NCOR1: variants seen among roughly 807,000 people sequenced by gnomAD.
NCOR1 encodes protein phosphatase 1, regulatory subunit 109.
In NCOR1, 63 loss-of-function variants were observed where a neutral mutation model predicts 288.1. The observed-to-expected ratio is 0.22, with a 90% CI of 0.18 to 0.27. NCOR1 has a LOEUF of 0.27. Ranked by LOEUF, NCOR1 falls within the 10% of genes least tolerant of loss-of-function variation. The pLI, the probability that NCOR1 is intolerant of heterozygous loss-of-function variation, is 1.00. For missense variants in NCOR1, 2,397 were observed against 3,019.2 expected (o/e 0.79, Z 4.83); for synonymous variants, 1,007 against 1,065.9 (o/e 0.94, Z 1.08).
Position 16,029,462 on chromosome 17 carries a change from A to C in NCOR1, c.*2834T>G. ...TTTTTAAAATAGAATCACTCAGTGTACCAAAATTAAAAGCATTATGAAATT... is the reference window on the plus strand; with the variant it reads ...TTTTTAAAATAGAATCACTCAGTGTCCCAAAATTAAAAGCATTATGAAATT... On this transcript the variant is annotated 3_prime_UTR_variant, in exon 46 of 46. Transcript: ENST00000268712. The C allele has an allele frequency of 3.5e-6, 1 of 281,790 alleles. No individual in the cohort carries two copies. The highest frequency in any genetic ancestry group is 7.0e-6 in the Non-Finnish European group (1 of 143,152). 17.5% of individuals were successfully genotyped at this position (281,790 alleles called of 1,614,324 possible).
intron 3 of NCOR1, among the ~76,000 whole-genome samples, chr17:16,178,961 AT>A (rs11306479): frequency 0.58 from 87,353 of 150,840 alleles, 26,044 homozygotes; most frequent in African/African-American, 0.69. Flanking sequence ...AAAAAAAGTT[AT>A]TTTTTTTTTG....
At chr17:16,169,453 A>G (rs2082697688) in intron 4 of NCOR1, among the ~76,000 whole-genome samples, 1 of 152,222 alleles carries the variant, frequency 6.6e-6, no homozygotes, top group Non-Finnish European at 1.5e-5. Context: ...AACATTTAAC[A>G]AAAAATCTAA....
In NCOR1 at chr17:16,039,607, G is replaced by A; in HGVS notation, c.6781C>T (p.Leu2261Phe). The part of the protein sequence containing the change: ...GHSFADPASN[L>F]GLEDIIRKAL... Reference sequence around the variant, plus strand: ...TTCCTGATAATGTCTTCCAGCCCAAGATTACTGGCAGGATCAGCAAAAGAA... The same window carrying A: ...TTCCTGATAATGTCTTCCAGCCCAAAATTACTGGCAGGATCAGCAAAAGAA... Residue 2261 changes from leucine to phenylalanine, a missense_variant, in exon 44 of 46, where the codon CTT (leucine) becomes TTT (phenylalanine). Coordinates refer to ENST00000268712, the MANE Select transcript of NCOR1 (RefSeq NM_006311.4). 6.2e-7 allele frequency: 1 copy of A among 1,614,112 alleles called. No homozygotes were observed. Among genetic ancestry groups the A allele is most frequent in the Non-Finnish European group, 8.5e-7 (1 of 1,180,028 alleles).
intron 38 of NCOR1, 116 bp from the exon 39 acceptor site, chr17:16,058,180 CAAAG>C (rs538078816): frequency 4.0e-5 from 47 of 1,166,404 alleles, no homozygotes; most frequent in Middle Eastern, 5.8e-4. Flanking sequence ...TAGCTCCAAA[CAAAG>C]AACTTATCTT....
At chr17:16,064,471 C>T (rs1018014987) in intron 34 of NCOR1, among the ~76,000 whole-genome samples, 8 of 151,762 alleles carry the variant, frequency 5.3e-5, no homozygotes, top group South Asian at 2.1e-4. Flanking sequence ...GGTGTGGTGG[C>T]GCGCACCTGT....
intron 14 of NCOR1, among the ~76,000 whole-genome samples, chr17:16,127,329 G>A (rs62636954): frequency 7.6e-5 from 4 of 52,578 alleles, no homozygotes; most frequent in African/African-American, 1.9e-4. Flanking sequence ...ATATATGTAT[G>A]TATATATACA....
chr17:16,073,754 C>T (rs1180917453), intron 27 of NCOR1, among the ~76,000 whole-genome samples, 185 bp from the exon 28 acceptor site: 11 of 152,120 alleles, frequency 7.2e-5, no homozygotes, highest in Non-Finnish European at 1.6e-4. Flanking sequence ...TTATTGATGC[C>T]TACTGTGTGC....
Position 16,158,757 on chromosome 17 carries a change from T to C in NCOR1, c.732+3A>G, listed in dbSNP as rs1310588841. On this transcript the variant is annotated splice_donor_region_variant and intron_variant, in intron 6 of 45. Coordinates refer to ENST00000268712, the MANE Select transcript of NCOR1 (RefSeq NM_006311.4). ...TGTGCTGCCAGAGATGGTATGAGCT[T>C]ACCCGATTCTCATCATAAATAATTT... is the stretch of plus-strand genomic sequence containing the variant. 6.2e-7 allele frequency: 1 copy of C among 1,604,966 alleles called. No individual in the cohort carries two copies. Among genetic ancestry groups the C allele is most frequent in the Admixed American group, 1.7e-5 (1 of 59,858 alleles).
At position 16,046,770 on chromosome 17, in the gene NCOR1, G is replaced by A. The variant is rs1312214542; in HGVS notation, c.6679+181C>T. 4.9e-6 allele frequency: 3 copies of A among 607,102 alleles called. No homozygotes were observed. In the East Asian group the frequency reaches 9.9e-5, roughly 20 times the overall value. 37.6% of individuals were successfully genotyped at this position (607,102 alleles called of 1,614,324 possible). ...CAGCTTCAGAAAGGAGCGAACTCCT[G>A]CCTCCTAATTAGAACTCTTCATGGG... On this transcript the variant is annotated intron_variant, in intron 42 of 45. Transcript: ENST00000268712.
chr17:16,115,578 C>T (rs1221443289), intron 18 of NCOR1, among the ~76,000 whole-genome samples: 1 of 152,216 alleles, frequency 6.6e-6, no homozygotes, highest in Non-Finnish European at 1.5e-5. Context: ...CCTAAATTAT[C>T]TCTCTCAAGT....
intron 3 of NCOR1, among the ~76,000 whole-genome samples, chr17:16,176,526 C>G (rs192923564): frequency 1.2e-4 from 19 of 152,326 alleles, no homozygotes; most frequent in Non-Finnish European, 1.3e-4. Context: ...GCCTCAGCCT[C>G]CCAAAGTGCT....
intron 7 of NCOR1, among the ~76,000 whole-genome samples, chr17:16,153,032 T>G (rs2079115995): frequency 6.6e-6 from 1 of 152,150 alleles, no homozygotes; most frequent in Non-Finnish European, 1.5e-5. Context: ...TAGGGAGTAT[T>G]AACCATTGTC....
At chr17:16,083,827 T>G (rs917014841) in intron 23 of NCOR1, among the ~76,000 whole-genome samples, 5 of 152,102 alleles carry the variant, frequency 3.3e-5, no homozygotes, top group Non-Finnish European at 7.4e-5. Flanking sequence ...ATTTCTACAG[T>G]TAAGTTGGTT....
rs2075852814 is a variant in NCOR1 at position 16,132,880 on chromosome 17, C to T, written c.1509+4431G>A. Among the ~76,000 whole-genome samples the T allele has an allele frequency of 2.7e-5, 4 of 148,492 alleles. No homozygotes were observed. The Admixed American group carries it at 2.7e-4, about 10-fold the overall frequency. ...GTCCAGTCTGGCTTTTCTTGCTTTC[C>T]TTCCTTCCTTTCCCTCCTTCCTTCC... On this transcript the variant is annotated intron_variant, in intron 14 of 45. Transcript: ENST00000268712.
intron 2 of NCOR1, among the ~76,000 whole-genome samples, chr17:16,187,054 G>A (rs956941106): frequency 6.6e-6 from 1 of 152,122 alleles, no homozygotes; most frequent in African/African-American, 2.4e-5. Flanking sequence ...GAAGGGTAAT[G>A]GAAGTCTAAT....
intron 34 of NCOR1, among the ~76,000 whole-genome samples, chr17:16,064,614 C>CAAA (rs142023994): frequency 7.0e-6 from 1 of 142,684 alleles, no homozygotes; most frequent in African/African-American, 2.6e-5. Flanking sequence ...AAAACAAAAA[C>CAAA]AAAAAAAAAA....
intron 2 of NCOR1, among the ~76,000 whole-genome samples, chr17:16,189,213 G>A (rs2153537118): frequency 6.6e-6 from 1 of 152,212 alleles, no homozygotes; most frequent in East Asian, 1.9e-4. Flanking sequence ...GGCCAACTTG[G>A]CGAAACCCCG....
chr17:16,089,739 G>A (rs1386194260), intron 22 of NCOR1, among the ~76,000 whole-genome samples: 1 of 151,976 alleles, frequency 6.6e-6, no homozygotes, highest in Non-Finnish European at 1.5e-5. Context: ...AACCATTTTT[G>A]TCAAACATTC....
intron 14 of NCOR1, among the ~76,000 whole-genome samples, chr17:16,135,793 T>A (rs1305493980): frequency 1.3e-5 from 2 of 152,216 alleles, no homozygotes; most frequent in African/African-American, 2.4e-5. Flanking sequence ...ATAAAAAGGT[T>A]ATAGCTGTGA....
Sources: allele counts gnomAD v4.1 joint callset (sites outside exome capture counted in the v4.1 genomes callset), GRCh38; gene constraint gnomAD v4.1.1; transcripts MANE v1.5; gene names NCBI Gene and HGNC (gene_info 2026-07-23, HGNC 2026-07-21).